The following HHAT variants were observed in gnomAD, a reference collection of about 807,000 sequenced individuals.
HHAT encodes hedgehog acyltransferase.
Under a neutral mutation model 70.8 loss-of-function variants are expected in HHAT, and 47 were observed. The observed-to-expected ratio is 0.66, with a 90% CI of 0.53 to 0.85. The LOEUF (loss-of-function observed/expected upper bound fraction) is 0.85. Ranked by LOEUF, HHAT falls within the 40% of genes least tolerant of loss-of-function variation. The pLI is 0.00. For synonymous variants in HHAT, 228 were observed against 247.6 expected, an observed-to-expected ratio of 0.92 and a Z score of 0.74; for missense variants, 609 against 604.8, an observed-to-expected ratio of 1.01 and a Z score of -0.07.
intron 10 of HHAT, among the ~76,000 whole-genome samples, chr1:210,597,119 C>T (rs1220483800): frequency 6.6e-6 from 1 of 152,196 alleles, no homozygotes; most frequent in Non-Finnish European, 1.5e-5. Context: ...AGAGAAGATC[C>T]AGAAGAATTA....
chr1:210,653,678 T>C (rs574309407), intron 11 of HHAT, among the ~76,000 whole-genome samples: 1 of 152,224 alleles, frequency 6.6e-6, no homozygotes, highest in South Asian at 2.1e-4. Flanking sequence ...AGGGGAGATT[T>C]CCTTTTCCCT....
At chr1:210,377,531 C>T (rs757343569) in intron 3 of HHAT, among the ~76,000 whole-genome samples, 1 of 152,264 alleles carries the variant, frequency 6.6e-6, no homozygotes, top group East Asian at 1.9e-4. Flanking sequence ...CAAGTTAAAC[C>T]GAATAGACTC....
At chr1:210,382,675 A>AG (rs753131920) in intron 3 of HHAT, among the ~76,000 whole-genome samples, 35 of 152,116 alleles carry the variant, frequency 2.3e-4, no homozygotes, top group Non-Finnish European at 3.8e-4. Flanking sequence ...CCACCTGGGG[A>AG]GGTAGGTATG....
At chr1:210,641,323 C>T (rs1672933696) in intron 11 of HHAT, among the ~76,000 whole-genome samples, 2 of 152,120 alleles carry the variant, frequency 1.3e-5, no homozygotes, top group South Asian at 4.2e-4. Flanking sequence ...TTGAAGACAC[C>T]TGTTTAGTCA....
chr1:210,421,236 A>G (rs999828244), intron 7 of HHAT, among the ~76,000 whole-genome samples: 4 of 120,498 alleles, frequency 3.3e-5, no homozygotes, highest in Non-Finnish European at 7.4e-5. Context: ...CTCAAAATAT[A>G]CTACAAAGCT....
chr1:210,631,787 C>T (rs1375045941), intron 11 of HHAT, among the ~76,000 whole-genome samples: 2 of 152,198 alleles, frequency 1.3e-5, no homozygotes, highest in African/African-American at 2.4e-5. Context: ...ATCCAGGGGA[C>T]CTTTTCCTTG....
At chr1:210,428,321 T>C (rs1186678187) in intron 7 of HHAT, among the ~76,000 whole-genome samples, 3 of 43,974 alleles carry the variant, frequency 6.8e-5, no homozygotes, top group African/African-American at 1.8e-4. Context: ...TATATATATA[T>C]ATATATATAT....
intron 8 of HHAT, among the ~76,000 whole-genome samples, chr1:210,483,402 G>C (rs776063601): frequency 1.3e-5 from 2 of 152,136 alleles, no homozygotes; most frequent in Non-Finnish European, 2.9e-5. Flanking sequence ...CCTTGCCTCT[G>C]TCATTAACTG....
chr1:210,485,894 A>C (rs2094466405), intron 8 of HHAT, among the ~76,000 whole-genome samples: 1 of 152,118 alleles, frequency 6.6e-6, no homozygotes, highest in Non-Finnish European at 1.5e-5. Flanking sequence ...TCAGTCTCAG[A>C]CTGTATGCCC....
rs201635711 is a variant in HHAT, at chr1:210,535,329, TTGG to T, written c.1043+22146_1043+22148del. On this transcript the variant is annotated intron_variant, in intron 9 of 11. Coordinates refer to ENST00000261458, the MANE Select transcript of HHAT (RefSeq NM_018194.6). ...GGTTAGATGATTTATGTGGAAGAACTTGGTGGTACTGTACAGTATTGTAAGGTT... is the reference window on the plus strand; with the variant it reads ...GGTTAGATGATTTATGTGGAAGAACTTGGTACTGTACAGTATTGTAAGGTT... 7.4e-3 allele frequency among the ~76,000 whole-genome samples: 1,132 copies of T among 152,202 alleles called. 10 individuals are homozygous for T. The highest frequency in any genetic ancestry group is 0.023 in the African/African-American group (960 of 41,520).
rs151061224 is a variant in HHAT at position 210,636,459 on chromosome 1, A to C, written c.1390+12789A>C. On this transcript the variant is annotated intron_variant, in intron 11 of 11. Transcript: ENST00000261458. ...CAGGCTCTGGGATTTTTCTTCTGCT[A>C]TCTTATCCCAAAGGCTGCAGCACAG... 3.3e-5 allele frequency among the ~76,000 whole-genome samples: 5 copies of C among 152,258 alleles called. No individual in the cohort carries two copies. The East Asian group carries it at 9.7e-4, about 29-fold the overall frequency.
chr1:210,539,639 T>C (rs1462142378), intron 9 of HHAT, among the ~76,000 whole-genome samples: 1 of 151,650 alleles, frequency 6.6e-6, no homozygotes, highest in Non-Finnish European at 1.5e-5. Context: ...GAGATGGGGG[T>C]GTTGTCAGCG....
intron 9 of HHAT, among the ~76,000 whole-genome samples, chr1:210,540,881 C>T (rs1282037543): frequency 6.6e-6 from 1 of 151,898 alleles, no homozygotes; most frequent in African/African-American, 2.4e-5. Flanking sequence ...CGCTCTGTTG[C>T]CCAGGCTGGA....
At chr1:210,658,696 T>G (rs1676995266) in intron 11 of HHAT, among the ~76,000 whole-genome samples, 1 of 152,150 alleles carries the variant, frequency 6.6e-6, no homozygotes, top group Non-Finnish European at 1.5e-5. Flanking sequence ...AGTGAAGCAC[T>G]CCTCAGCAAA....
At chr1:210,487,774 T>A (rs1188317280) in intron 8 of HHAT, among the ~76,000 whole-genome samples, 1 of 152,218 alleles carries the variant, frequency 6.6e-6, no homozygotes, top group Non-Finnish European at 1.5e-5. Context: ...GAAATTTACA[T>A]TTATGAAGGA....
chr1:210,466,747 T>A (rs1558575547), intron 8 of HHAT, among the ~76,000 whole-genome samples: 2 of 146,530 alleles, frequency 1.4e-5, no homozygotes, highest in South Asian at 4.6e-4. Flanking sequence ...TCAAAATGAT[T>A]GTCTTGTCCT....
rs541795412 is a variant in HHAT, at chr1:210,336,287, ATTTT to A, written c.-44+7203_-44+7206del. 2.9e-3 allele frequency among the ~76,000 whole-genome samples: 245 copies of A among 84,604 alleles called. 3 individuals carry two copies. The highest frequency in any genetic ancestry group is 9.8e-3 in the African/African-American group (216 of 22,098). 55.5% of individuals were successfully genotyped at this position (84,604 alleles called of 152,430 possible). A position where few individuals can be genotyped will look rare whatever the true frequency, so the allele number is the denominator to read the frequency against. On this transcript the variant is annotated intron_variant, in intron 1 of 11. Transcript: ENST00000261458. ...AGGCATGCACCACTGTGCCTGGCTA[ATTTT>A]TTTTTTTTTTTTTTTTTTTAGAGAC...
chr1:210,567,861 T>C (rs952953818), intron 9 of HHAT, among the ~76,000 whole-genome samples: 8 of 152,340 alleles, frequency 5.3e-5, no homozygotes, highest in Admixed American at 4.6e-4. Context: ...TGGGTGCCCT[T>C]GGTTCTCAGG....
chr1:210,518,054 G>A (rs1342428758), intron 9 of HHAT, among the ~76,000 whole-genome samples: 2 of 152,136 alleles, frequency 1.3e-5, no homozygotes, highest in African/African-American at 4.8e-5. Flanking sequence ...AGGTTAGTTA[G>A]CATATTGGTC....
Sources: allele counts gnomAD v4.1 joint callset (sites outside exome capture counted in the v4.1 genomes callset), GRCh38; gene constraint gnomAD v4.1.1; transcripts MANE v1.5; gene names NCBI Gene and HGNC (gene_info 2026-07-23, HGNC 2026-07-21).